Variants in RBFOX1 observed in about 807,000 individuals in gnomAD.
RBFOX1 encodes RNA binding protein fox-1 homolog 1.
A neutral mutation model predicts 57.7 loss-of-function variants in RBFOX1; 8 were observed. That is an observed-to-expected ratio of 0.14 (90% CI 0.08 to 0.25). The LOEUF (loss-of-function observed/expected upper bound fraction) is 0.25. RBFOX1 is among the 10% of genes least tolerant of loss of function. The pLI, the probability that RBFOX1 is intolerant of heterozygous loss-of-function variation, is 1.00. For synonymous variants in RBFOX1, 326 were observed against 222.4 expected (o/e 1.47, Z -4.15); for missense variants, 611 against 548.5 (o/e 1.11, Z -1.14).
At chr16:6,368,369 A>G (rs1378689977) in intron 2 of RBFOX1, among the ~76,000 whole-genome samples, 1 of 152,256 alleles carries the variant, frequency 6.6e-6, no homozygotes, top group African/African-American at 2.4e-5. Context: ...GCATGCTAGC[A>G]GGTAGTAGTT....
rs2096261844 is a variant in RBFOX1 at position 6,097,692 on chromosome 16, G to A, written c.-127+77700G>A. Among the ~76,000 whole-genome samples the A allele has an allele frequency of 1.3e-5, 2 of 152,032 alleles. No homozygotes were observed. The highest frequency in any genetic ancestry group is 1.3e-4 in the Admixed American group (2 of 15,264). ...AAGCTAGGATTTGACCCTAGGGCTTGTGAATCTGGAGCCCATAGACTCAAC... is the reference window on the plus strand; with the variant it reads ...AAGCTAGGATTTGACCCTAGGGCTTATGAATCTGGAGCCCATAGACTCAAC... On this transcript the variant is annotated intron_variant, in intron 1 of 15. Coordinates refer to ENST00000550418, the MANE Select transcript of RBFOX1 (RefSeq NM_018723.4). The surrounding 1 kb of genome is among the most constrained non-coding windows in gnomAD (Gnocchi z 5.0).
intron 3 of RBFOX1, among the ~76,000 whole-genome samples, chr16:5,724,133 G>A (rs1372175770): frequency 6.6e-6 from 1 of 152,198 alleles, no homozygotes; most frequent in East Asian, 1.9e-4. Context: ...CTGGAACTGT[G>A]CTCCTAGGTT....
At chr16:5,279,079 G>C (rs189412332) in intron 1 of RBFOX1, among the ~76,000 whole-genome samples, 2 of 152,024 alleles carry the variant, frequency 1.3e-5, no homozygotes. Flanking sequence ...GGGGTGTTCT[G>C]TGGTTCCATG....
At chr16:6,226,575 A>G (rs1231903968) in intron 1 of RBFOX1, among the ~76,000 whole-genome samples, 1 of 152,062 alleles carries the variant, frequency 6.6e-6, no homozygotes. Flanking sequence ...TTGGTTTTTG[A>G]TATATTATGG....
At chr16:5,985,812 C>T (rs2060274841) in intron 4 of RBFOX1, among the ~76,000 whole-genome samples, 1 of 152,156 alleles carries the variant, frequency 6.6e-6, no homozygotes, top group Non-Finnish European at 1.5e-5. Context: ...CATCTGGCTG[C>T]CTCTGGGGGC....
intron 2 of RBFOX1, among the ~76,000 whole-genome samples, chr16:6,371,568 C>A (rs769606939): frequency 2.0e-5 from 3 of 152,054 alleles, no homozygotes; most frequent in Non-Finnish European, 2.9e-5. Context: ...TTCCTTGGCA[C>A]CAGAAGATAT....
At chr16:6,827,123 A>G (rs893833651) in intron 3 of RBFOX1, among the ~76,000 whole-genome samples, 2 of 152,190 alleles carry the variant, frequency 1.3e-5, no homozygotes, top group African/African-American at 4.8e-5. Context: ...ATCTAACACC[A>G]GTGAATATAA....
At chr16:5,715,285 A>G (rs2051651902) in intron 3 of RBFOX1, among the ~76,000 whole-genome samples, 1 of 152,206 alleles carries the variant, frequency 6.6e-6, no homozygotes, top group African/African-American at 2.4e-5. Flanking sequence ...CTTGTGGATG[A>G]TTAAACTGTA....
chr16:6,607,813 G>A (rs1042204336), intron 2 of RBFOX1, among the ~76,000 whole-genome samples: 5 of 152,182 alleles, frequency 3.3e-5, no homozygotes, highest in Admixed American at 6.5e-5. Context: ...CCTAATGAGC[G>A]ATCATAGAAT....
At chr16:6,636,568 C>T (rs1025357904) in intron 2 of RBFOX1, among the ~76,000 whole-genome samples, 1 of 151,526 alleles carries the variant, frequency 6.6e-6, no homozygotes, top group East Asian at 1.9e-4. Context: ...GAAGATTTCT[C>T]TTTTATTTGG....
chr16:7,080,640 C>G (rs1326056484), intron 4 of RBFOX1, among the ~76,000 whole-genome samples: 3 of 152,150 alleles, frequency 2.0e-5, no homozygotes, highest in Admixed American at 6.5e-5. Flanking sequence ...ACACTCACAA[C>G]TTTATTTTTC....
At chr16:6,808,000 G>C (rs577110259) in intron 3 of RBFOX1, among the ~76,000 whole-genome samples, 43 of 148,510 alleles carry the variant, frequency 2.9e-4, no homozygotes, top group African/African-American at 1.0e-3. Context: ...TATATGCATA[G>C]AACTATATAT....
chr16:6,954,200 G>A (rs538834024), intron 3 of RBFOX1, among the ~76,000 whole-genome samples: 1 of 152,234 alleles, frequency 6.6e-6, no homozygotes, highest in South Asian at 2.1e-4. Context: ...ACATATTTAT[G>A]TAAAAAGAGA....
rs76815859 is a variant in RBFOX1 at position 6,096,347 on chromosome 16, T to C, written c.-127+76355T>C. Reference sequence around the variant, plus strand: ...GGAAAATCGTTCCCCAGATGCATTATTGCATTATTTAGGACCATGTGCACC... The same window carrying C: ...GGAAAATCGTTCCCCAGATGCATTACTGCATTATTTAGGACCATGTGCACC... On this transcript the variant is annotated intron_variant, in intron 1 of 15. Coordinates refer to ENST00000550418, the MANE Select transcript of RBFOX1 (RefSeq NM_018723.4). Among the ~76,000 whole-genome samples, 174 of 152,332 alleles carry C rather than the reference T, an allele frequency of 1.1e-3. 3 individuals carry two copies. In the East Asian group the frequency reaches 0.027, roughly 24 times the overall value.
chr16:5,848,294 C>G (rs1427565893), intron 3 of RBFOX1, among the ~76,000 whole-genome samples: 5 of 152,178 alleles, frequency 3.3e-5, no homozygotes, highest in African/African-American at 1.2e-4. Context: ...CACCAGTGGA[C>G]TCTATCCCCT....
intron 15 of RBFOX1, chr16:7,709,862 G>A (rs748338000): frequency 3.8e-5 from 45 of 1,172,426 alleles, no homozygotes; most frequent in Middle Eastern, 7.1e-4. Context: ...TGCCCATCAC[G>A]TGAGAGCATA....
intron 3 of RBFOX1, among the ~76,000 whole-genome samples, chr16:6,755,617 G>T (rs1324370804): frequency 6.6e-6 from 1 of 152,152 alleles, no homozygotes; most frequent in Admixed American, 6.5e-5. Flanking sequence ...ATGAAGAACT[G>T]TGGCTCTTTT....
At chr16:5,546,142 A>T (rs1435099512) in intron 2 of RBFOX1, among the ~76,000 whole-genome samples, 2 of 152,198 alleles carry the variant, frequency 1.3e-5, no homozygotes, top group African/African-American at 2.4e-5. Flanking sequence ...ATATACTGAA[A>T]ATTACAATAT....
intron 4 of RBFOX1, among the ~76,000 whole-genome samples, chr16:7,198,356 C>T (rs2881436): frequency 0.62 from 93,611 of 151,990 alleles, 29,116 homozygotes; most frequent in African/African-American, 0.68. Flanking sequence ...TGAAACTAGA[C>T]AGAGGGTGGT....
Sources: gnomAD v4.1 joint callset for allele counts (sites outside exome capture counted in the v4.1 genomes callset) on GRCh38, gnomAD v4.1.1 for gene constraint, Gnocchi (gnomAD v3.1) non-coding constraint, MANE v1.5 for transcripts, NCBI Gene and HGNC (gene_info 2026-07-23, HGNC 2026-07-21) for gene names.